PCDHA8: variants seen among roughly 807,000 people sequenced by gnomAD.
PCDHA8 encodes the protein protocadherin alpha 8, also known as protocadherin alpha-8.
PCDHA8 carries 53 observed loss-of-function variants against 61.8 expected under a neutral mutation model. The observed-to-expected ratio is 0.86, with a 90% CI of 0.69 to 1.08. The LOEUF is 1.08. PCDHA8 is among the 50% of genes least tolerant of loss of function. The pLI, the probability that PCDHA8 is intolerant of heterozygous loss-of-function variation, is 0.00. For synonymous variants in PCDHA8, 618 were observed against 556.6 expected (o/e 1.11, Z -1.55); for missense variants, 1,293 against 1,245.0 (o/e 1.04, Z -0.58).
chr5:140,939,956 A>G (rs2092504641), intron 1 of PCDHA8, among the ~76,000 whole-genome samples: 1 of 152,234 alleles, frequency 6.6e-6, no homozygotes, highest in Non-Finnish European at 1.5e-5. Context: ...AAATTATGTT[A>G]AAGTGTTCCA....
intron 1 of PCDHA8, chr5:140,967,401 G>C: frequency 6.2e-7 from 1 of 1,611,944 alleles, no homozygotes; most frequent in Non-Finnish European, 8.5e-7. Context: ...CTGGTGCTGC[G>C]TAAGGGCCTA....
At chr5:140,967,113 G>T in intron 1 of PCDHA8, 1 of 1,612,880 alleles carries the variant, frequency 6.2e-7, no homozygotes, top group Non-Finnish European at 8.5e-7. Flanking sequence ...CAGCGGCCTC[G>T]CTGCCTGCTC....
At chr5:140,943,019 G>A (rs1554215345) in intron 1 of PCDHA8, among the ~76,000 whole-genome samples, 1 of 152,068 alleles carries the variant, frequency 6.6e-6, no homozygotes, top group Non-Finnish European at 1.5e-5. Flanking sequence ...CACTTTGGGA[G>A]GCTGAGGTGG....
intron 3 of PCDHA8, among the ~76,000 whole-genome samples, chr5:141,008,031 T>C (rs566619568): frequency 1.3e-5 from 2 of 152,336 alleles, no homozygotes; most frequent in Admixed American, 6.5e-5. Flanking sequence ...TTCTTGTTAA[T>C]CTGCCTTTTG....
At position 140,871,521 on chromosome 5, in the gene PCDHA8, C is replaced by T. The variant is rs1554165698; in HGVS notation, c.2394+27806C>T. 3.2e-6 allele frequency: 5 copies of T among 1,553,236 alleles called. No individual in the cohort carries two copies. In the Admixed American group the frequency reaches 1.0e-4, roughly 31 times the overall value. On this transcript the variant is annotated intron_variant, in intron 1 of 3. Transcript: ENST00000531613. ...TGAGTTTTCTACAGATTCCACCTAT[C>T]AGGAAGTGTATGTGAAATTATTTAA...
rs184181496 is a variant in PCDHA8 at position 140,857,350 on chromosome 5, G to A, written c.2394+13635G>A. ...CGCGGGACGGGGGCTCGCCTCCGCTGTGGGCCACGGCCAGCGTGTCTGTGG... is the reference window on the plus strand; with the variant it reads ...CGCGGGACGGGGGCTCGCCTCCGCTATGGGCCACGGCCAGCGTGTCTGTGG... On this transcript the variant is annotated intron_variant, in intron 1 of 3. Coordinates refer to ENST00000531613, the MANE Select transcript of PCDHA8 (RefSeq NM_018911.3). 5 of 1,598,502 alleles carry A rather than the reference G, an allele frequency of 3.1e-6. 1 individual carries two copies. In the Admixed American group the frequency reaches 6.7e-5, roughly 22 times the overall value.
intron 1 of PCDHA8, among the ~76,000 whole-genome samples, chr5:140,950,457 A>C (rs1392302571): frequency 6.6e-6 from 1 of 152,048 alleles, no homozygotes; most frequent in Non-Finnish European, 1.5e-5. Flanking sequence ...ACTGTCTTCT[A>C]ATGCTCATAG....
rs2150484404 is a variant in PCDHA8, at chr5:140,850,437, C to T, written c.2394+6722C>T. 6.3e-6 allele frequency: 10 copies of T among 1,597,794 alleles called. 1 individual carries two copies. Among genetic ancestry groups the T allele is most frequent in the African/African-American group, 1.3e-5 (1 of 74,284 alleles). ...AACGGACGCACCGCGCCAGCGCCTA[C>T]TGGTGCTGGTGAAAGACCACGGGGA... On this transcript the variant is annotated intron_variant, in intron 1 of 3. Transcript: ENST00000531613.
chr5:140,876,587 T>C (rs201129017), intron 1 of PCDHA8: 1 of 1,614,208 alleles, frequency 6.2e-7, no homozygotes, highest in African/African-American at 1.3e-5. Context: ...ATTGCCCTGA[T>C]TAGCGTGTCG....
chr5:140,995,367 T>G (rs2153932865), intron 3 of PCDHA8, among the ~76,000 whole-genome samples: 1 of 152,280 alleles, frequency 6.6e-6, no homozygotes, highest in East Asian at 1.9e-4. Context: ...AGAGGGATGA[T>G]TCACGTACTG....
intron 1 of PCDHA8, chr5:140,930,059 A>G (rs1486359495): frequency 6.6e-6 from 1 of 152,200 alleles, no homozygotes; most frequent in Non-Finnish European, 1.5e-5. Flanking sequence ...TTGCTTACAC[A>G]AAAACTGTAA....
intron 1 of PCDHA8, chr5:140,876,230 A>C: frequency 6.2e-7 from 1 of 1,613,886 alleles, no homozygotes; most frequent in South Asian, 1.1e-5. Flanking sequence ...GTGTTGTCTG[A>C]AAATGTCCAA....
intron 1 of PCDHA8, chr5:140,929,214 G>A: frequency 1.2e-6 from 2 of 1,614,076 alleles, no homozygotes; most frequent in Non-Finnish European, 1.7e-6. Context: ...TGCGTGGGGA[G>A]TACAATGCTG....
In PCDHA8 at chr5:141,010,350, G is replaced by A; in HGVS notation, c.*413G>A. The A allele has an allele frequency of 6.6e-7, 1 of 1,515,722 alleles. No individual in the cohort carries two copies. Among genetic ancestry groups the A allele is most frequent in the Non-Finnish European group, 8.8e-7 (1 of 1,132,152 alleles). The allele number at this position is 1,515,722 out of a possible 1,614,324, so 93.9% of individuals were successfully genotyped here. A position where few individuals can be genotyped will look rare whatever the true frequency, so the allele number is the denominator to read the frequency against. ...GGGAGTTTGTGGCCACTGGGTATGT[G>A]TGGCTACCGCGGGTATGCGAGTGCC... is the stretch of plus-strand genomic sequence containing the variant. On this transcript the variant is annotated 3_prime_UTR_variant, in exon 4 of 4. Transcript: ENST00000531613.
In PCDHA8 at chr5:141,009,984, G is replaced by A. The variant is rs782207623; in HGVS notation, c.*47G>A. 6.3e-7 allele frequency: 1 copy of A among 1,581,532 alleles called. No homozygotes were observed. Among genetic ancestry groups the A allele is most frequent in the Admixed American group, 1.9e-5 (1 of 53,968 alleles). On this transcript the variant is annotated 3_prime_UTR_variant, in exon 4 of 4. Transcript: ENST00000531613. ...CACTTAGCCAGTTTTTGTAATAATG[G>A]CAAATCTCTCCCATGTAGCAATTCC... is the stretch of plus-strand genomic sequence containing the variant.
rs148688132 is a variant in PCDHA8, at chr5:140,902,203, CTT to C, written c.2394+58505_2394+58506del. Among the ~76,000 whole-genome samples the C allele has an allele frequency of 5.2e-3, 642 of 124,424 alleles. 3 individuals are homozygous for C. The highest frequency in any genetic ancestry group is 0.019 in the African/African-American group (601 of 32,314). 81.6% of individuals were successfully genotyped at this position (124,424 alleles called of 152,430 possible). The stretch of plus-strand genomic sequence containing the variant: ...TTATGTCTTCTCTCTCTCTCTCTTT[CTT>C]TTTTTTTTTTTTTTTTGAGATGAGG... On this transcript the variant is annotated intron_variant, in intron 1 of 3. Coordinates refer to ENST00000531613, the MANE Select transcript of PCDHA8 (RefSeq NM_018911.3).
rs544791644 is a variant in PCDHA8, at chr5:140,937,295, C to G, written c.2395-41654C>G. Among the ~76,000 whole-genome samples the G allele has an allele frequency of 1.0e-3, 157 of 152,202 alleles. 1 individual carries two copies. Among genetic ancestry groups the G allele is most frequent in the Admixed American group, 4.7e-3 (72 of 15,286 alleles). On this transcript the variant is annotated intron_variant, in intron 1 of 3. Transcript: ENST00000531613. ...CTCGTGATTCACCCGCTTCGGCCTC[C>G]CAAAGTGCTGGGATTACAGGCGTGA...
In PCDHA8 at chr5:140,857,202, C is replaced by A. The variant is rs560343247; in HGVS notation, c.2394+13487C>A. 14 of 1,598,626 alleles carry A rather than the reference C, an allele frequency of 8.8e-6. No individual in the cohort carries two copies. In the African/African-American group the frequency reaches 1.1e-4, roughly 12 times the overall value. On this transcript the variant is annotated intron_variant, in intron 1 of 3. Coordinates refer to ENST00000531613, the MANE Select transcript of PCDHA8 (RefSeq NM_018911.3). The stretch of plus-strand genomic sequence containing the variant: ...GATTCAGGAGCCAACGGACAGGTCA[C>A]CTGCTCTCTGACGCCTCACGTTCCG...
intron 1 of PCDHA8, among the ~76,000 whole-genome samples, chr5:140,886,387 T>C (rs1245808319): frequency 2.6e-5 from 4 of 152,234 alleles, no homozygotes; most frequent in African/African-American, 9.6e-5. Flanking sequence ...GCTTATCTAT[T>C]ATCTGCATCA....
Sources: gnomAD v4.1 joint callset for allele counts (sites outside exome capture counted in the v4.1 genomes callset) on GRCh38, gnomAD v4.1.1 for gene constraint, MANE v1.5 for transcripts, NCBI Gene and HGNC (gene_info 2026-07-23, HGNC 2026-07-21) for gene names.